Variants in CALN1 observed in about 807,000 individuals in gnomAD.
CALN1 encodes calcium-binding protein 8.
A neutral mutation model predicts 30.6 loss-of-function variants in CALN1; 17 were observed. The observed-to-expected ratio is 0.56, with a 90% CI of 0.38 to 0.83. The LOEUF (loss-of-function observed/expected upper bound fraction) is 0.83, where lower values mean the gene tolerates loss of function less well. Ranked by LOEUF, CALN1 falls within the 40% of genes least tolerant of loss-of-function variation. CALN1 has a pLI of 0.00. For synonymous variants in CALN1, 156 were observed against 131.4 expected, an observed-to-expected ratio of 1.19 and a Z score of -1.28; for missense variants, 291 against 354.9, an observed-to-expected ratio of 0.82 and a Z score of 1.45.
intron 2 of CALN1, among the ~76,000 whole-genome samples, chr7:72,298,009 A>G (rs532659271): frequency 5.3e-4 from 80 of 152,302 alleles, no homozygotes; most frequent in Non-Finnish European, 9.4e-4. Context: ...TGCACTCACC[A>G]TCTTATTATT....
At chr7:71,812,439 T>C (rs1026430620) in intron 5 of CALN1, among the ~76,000 whole-genome samples, 2 of 152,298 alleles carry the variant, frequency 1.3e-5, no homozygotes, top group African/African-American at 2.4e-5. Flanking sequence ...GCAAAACATT[T>C]GGTAAAACTG....
chr7:71,900,516 C>G (rs1264693366), intron 5 of CALN1, among the ~76,000 whole-genome samples: 7 of 152,194 alleles, frequency 4.6e-5, no homozygotes, highest in Non-Finnish European at 7.3e-5. Context: ...ACACCACTAA[C>G]AATCAAGCTG....
At chr7:71,929,042 C>T (rs1372483974) in intron 5 of CALN1, among the ~76,000 whole-genome samples, 1 of 152,032 alleles carries the variant, frequency 6.6e-6, no homozygotes, top group Non-Finnish European at 1.5e-5. Context: ...GATATGTGAC[C>T]TTTTGGGTCT....
At chr7:71,814,624 C>T (rs554604487) in intron 5 of CALN1, among the ~76,000 whole-genome samples, 14 of 152,234 alleles carry the variant, frequency 9.2e-5, no homozygotes, top group African/African-American at 3.1e-4. Context: ...ATTCCTGAGA[C>T]AGCAAGACCA....
chr7:72,250,385 T>C lies in CALN1; in HGVS notation c.244+28301A>G, dbSNP rs371438239. 2.5e-3 allele frequency among the ~76,000 whole-genome samples: 388 copies of C among 152,302 alleles called. 3 individuals carry two copies. Among genetic ancestry groups the C allele is most frequent in the Middle Eastern group, 0.017 (5 of 294 alleles). On this transcript the variant is annotated intron_variant, in intron 3 of 6. Coordinates refer to ENST00000395275, the MANE Select transcript of CALN1 (RefSeq NM_031468.4). ...TCATCTGGAAATCAGAATGACAGCA[T>C]AGGACCTGGCAGAGCAGTTGTGAAT...
At chr7:71,938,945 T>C (rs565431463) in intron 5 of CALN1, among the ~76,000 whole-genome samples, 2 of 152,246 alleles carry the variant, frequency 1.3e-5, no homozygotes, top group South Asian at 4.2e-4. Flanking sequence ...GTCAATGCCT[T>C]CATCATCAAT....
chr7:71,805,751 A>G (rs950809543), intron 6 of CALN1, among the ~76,000 whole-genome samples: 2 of 152,194 alleles, frequency 1.3e-5, no homozygotes, highest in Non-Finnish European at 2.9e-5. Flanking sequence ...TCTTTATAAT[A>G]TAATGATTTA....
intron 5 of CALN1, among the ~76,000 whole-genome samples, chr7:71,844,261 T>G (rs1317253576): frequency 1.3e-5 from 2 of 152,120 alleles, no homozygotes; most frequent in Non-Finnish European, 2.9e-5. Flanking sequence ...CAGATAATAT[T>G]TGCTCCTCCC....
intron 6 of CALN1, among the ~76,000 whole-genome samples, chr7:71,800,638 C>T (rs1014424914): frequency 2.0e-5 from 3 of 151,956 alleles, no homozygotes; most frequent in African/African-American, 2.4e-5. Flanking sequence ...ATGCTTTCGT[C>T]GGCAATGAAA....
chr7:71,867,886 G>T (rs112138696), intron 5 of CALN1, among the ~76,000 whole-genome samples: 48 of 152,302 alleles, frequency 3.2e-4, no homozygotes, highest in African/African-American at 1.1e-3. Flanking sequence ...GTAGCTGAAG[G>T]CTTCTCTGAC....
chr7:72,129,800 T>TA (rs1335698621), intron 3 of CALN1, among the ~76,000 whole-genome samples: 4 of 152,160 alleles, frequency 2.6e-5, no homozygotes, highest in Non-Finnish European at 5.9e-5. Flanking sequence ...ATAGAAAAGT[T>TA]AAATAAACTA....
At chr7:72,062,379 G>A (rs928557341) in intron 4 of CALN1, among the ~76,000 whole-genome samples, 2 of 151,904 alleles carry the variant, frequency 1.3e-5, no homozygotes, top group Non-Finnish European at 2.9e-5. Context: ...GGATGTGGTG[G>A]TGTATGCCTG....
chr7:71,873,594 G>T (rs1004896935), intron 5 of CALN1, among the ~76,000 whole-genome samples: 1 of 150,378 alleles, frequency 6.6e-6, no homozygotes, highest in Non-Finnish European at 1.5e-5. Context: ...ACTCAAAGTT[G>T]CTCAAGAAAA....
At chr7:72,269,971 A>G (rs1395928784) in intron 3 of CALN1, among the ~76,000 whole-genome samples, 1 of 152,208 alleles carries the variant, frequency 6.6e-6, no homozygotes, top group African/African-American at 2.4e-5. Context: ...ATGATTAATC[A>G]GAGAATTAAA....
intron 2 of CALN1, among the ~76,000 whole-genome samples, chr7:72,400,451 A>G (rs181977091): frequency 2.6e-5 from 4 of 152,334 alleles, no homozygotes; most frequent in African/African-American, 4.8e-5. Context: ...GTCCTTGATG[A>G]TGAGCTAAAT....
At chr7:72,033,010 C>T (rs1056685823) in intron 4 of CALN1, among the ~76,000 whole-genome samples, 5 of 152,224 alleles carry the variant, frequency 3.3e-5, no homozygotes, top group East Asian at 1.9e-4. Flanking sequence ...TCTTTTATCA[C>T]TCTTGAATGA....
chr7:71,943,308 G>A (rs1025276143), intron 5 of CALN1, among the ~76,000 whole-genome samples: 4 of 152,224 alleles, frequency 2.6e-5, no homozygotes, highest in African/African-American at 9.6e-5. Flanking sequence ...CAGTACTGCA[G>A]AGTGCTAGAG....
At chr7:71,804,938 A>T (rs1787519112) in intron 6 of CALN1, among the ~76,000 whole-genome samples, 1 of 152,194 alleles carries the variant, frequency 6.6e-6, no homozygotes, top group African/African-American at 2.4e-5. Context: ...CTGGGCAACA[A>T]GAGCAAAACT....
intron 3 of CALN1, among the ~76,000 whole-genome samples, chr7:72,269,093 A>C (rs565283577): frequency 3.9e-4 from 59 of 152,326 alleles, no homozygotes; most frequent in Admixed American, 7.2e-4. Flanking sequence ...TAGAATCTGC[A>C]GGGTAGGACA....
Sources: gnomAD v4.1 joint callset for allele counts (sites outside exome capture counted in the v4.1 genomes callset) on GRCh38, gnomAD v4.1.1 for gene constraint, MANE v1.5 for transcripts, NCBI Gene and HGNC (gene_info 2026-07-23, HGNC 2026-07-21) for gene names.